STRN: variants seen among roughly 807,000 people sequenced by gnomAD.
The protein encoded by STRN is striatin.
Under a neutral mutation model 96.3 loss-of-function variants are expected in STRN, and 53 were observed. The observed-to-expected ratio is 0.55, with a 90% CI of 0.44 to 0.69. The LOEUF is 0.69. Ranked by LOEUF, STRN falls within the 30% of genes least tolerant of loss-of-function variation. STRN has a pLI of 0.00. For missense variants in STRN, 987 were observed against 963.9 expected (o/e 1.02, Z -0.32); for synonymous variants, 428 against 355.9 (o/e 1.20, Z -2.28).
intron 6 of STRN, among the ~76,000 whole-genome samples, chr2:36,897,678 C>T (rs980437344): frequency 2.0e-5 from 3 of 151,856 alleles, no homozygotes; most frequent in African/African-American, 7.3e-5. Context: ...ACCTAGTGAT[C>T]CATCCGTCTC....
chr2:36,892,740 G>A (rs1009223471), intron 7 of STRN, among the ~76,000 whole-genome samples: 2 of 152,142 alleles, frequency 1.3e-5, no homozygotes, highest in African/African-American at 4.8e-5. Context: ...TAAATACAAG[G>A]CTGGGAGCAG....
chr2:36,893,616 C>A (rs184215492), intron 7 of STRN, among the ~76,000 whole-genome samples: 1 of 152,132 alleles, frequency 6.6e-6, no homozygotes, highest in African/African-American at 2.4e-5. Flanking sequence ...TCTAGATTTG[C>A]AAGTTCCACT....
At chr2:36,880,572 C>T (rs1188276041) in intron 9 of STRN, among the ~76,000 whole-genome samples, 1 of 152,040 alleles carries the variant, frequency 6.6e-6, no homozygotes, top group East Asian at 1.9e-4. Flanking sequence ...CAAAAATAAA[C>T]ATAGGTTTTA....
At chr2:36,852,852 C>T (rs965866974) in intron 15 of STRN, among the ~76,000 whole-genome samples, 6 of 152,064 alleles carry the variant, frequency 3.9e-5, no homozygotes, top group Non-Finnish European at 7.4e-5. Context: ...AATTACCCAG[C>T]CTGTTATTTA....
chr2:36,902,962 G>A (rs182229897), intron 4 of STRN: 8 of 340,768 alleles, frequency 2.3e-5, no homozygotes, highest in East Asian at 2.3e-4. Context: ...AGAAAAATGA[G>A]AGAACTATAC....
At chr2:36,920,575 T>C (rs894203292) in intron 2 of STRN, among the ~76,000 whole-genome samples, 1 of 150,480 alleles carries the variant, frequency 6.6e-6, no homozygotes, top group African/African-American at 2.4e-5. Flanking sequence ...GAGGTGCAGG[T>C]TGCAGTGAGC....
chr2:36,851,413 A>G (rs908909228), intron 15 of STRN, among the ~76,000 whole-genome samples: 1 of 152,080 alleles, frequency 6.6e-6, no homozygotes, highest in Non-Finnish European at 1.5e-5. Flanking sequence ...AACCCGGGAG[A>G]TGGAAGTTGC....
chr2:36,938,064 T>C (rs1258509727), intron 1 of STRN, among the ~76,000 whole-genome samples: 1 of 152,184 alleles, frequency 6.6e-6, no homozygotes, highest in Non-Finnish European at 1.5e-5. Flanking sequence ...TAAAGTATTT[T>C]GAGAGATTAA....
chr2:36,944,526 A>G (rs768412853), intron 1 of STRN, among the ~76,000 whole-genome samples: 1 of 152,242 alleles, frequency 6.6e-6, no homozygotes, highest in Non-Finnish European at 1.5e-5. Flanking sequence ...TGTTCCTAGT[A>G]GAAACACAAA....
rs1451171903 is a variant in STRN, at chr2:36,845,598, A to G, written c.*3858T>C. 6.6e-6 allele frequency: 1 copy of G among 152,154 alleles called. No individual in the cohort carries two copies. The highest frequency in any genetic ancestry group is 1.9e-4 in the East Asian group (1 of 5,204). 9.4% of individuals were successfully genotyped at this position (152,154 alleles called of 1,614,324 possible). ...AAGAGGGAAATATATGAAGTATTAAAAAGTGAGCCTTTAAAAAATTACATT... is the reference window on the plus strand; with the variant it reads ...AAGAGGGAAATATATGAAGTATTAAGAAGTGAGCCTTTAAAAAATTACATT... On this transcript the variant is annotated 3_prime_UTR_variant, in exon 18 of 18. Coordinates refer to ENST00000263918, the MANE Select transcript of STRN (RefSeq NM_003162.4).
chr2:36,891,852 G>A (rs761574513), intron 7 of STRN, among the ~76,000 whole-genome samples: 2 of 152,124 alleles, frequency 1.3e-5, no homozygotes, highest in African/African-American at 4.8e-5. Flanking sequence ...AAGCAATCAT[G>A]AAGGAGAAAA....
chr2:36,850,999 C>A lies in STRN; in HGVS notation c.2086+1G>T. ...AAAATCAATTCTTAATAAATTCTTACCTGTATTGTTATCATAGAATTTGAT... is the reference window on the plus strand; with the variant it reads ...AAAATCAATTCTTAATAAATTCTTAACTGTATTGTTATCATAGAATTTGAT... On this transcript the variant is annotated splice_donor_variant, in intron 16 of 17. Transcript: ENST00000263918. LOFTEE classifies it high-confidence loss of function. 6.4e-7 allele frequency: 1 copy of A among 1,570,852 alleles called. No individual in the cohort carries two copies. The highest frequency in any genetic ancestry group is 1.2e-5 in the South Asian group (1 of 86,536).
intron 7 of STRN, among the ~76,000 whole-genome samples, chr2:36,888,998 G>C (rs1669316304): frequency 6.6e-6 from 1 of 151,940 alleles, no homozygotes; most frequent in African/African-American, 2.4e-5. Flanking sequence ...ACTCTATTTT[G>C]AATTGTAACC....
At chr2:36,910,161 G>A (rs13408941) in intron 3 of STRN, among the ~76,000 whole-genome samples, 18,104 of 143,780 alleles carry the variant, frequency 0.13, 2,498 homozygotes, top group African/African-American at 0.34. Context: ...GGACAAGAGC[G>A]AGACTTTGTC....
intron 7 of STRN, among the ~76,000 whole-genome samples, chr2:36,893,117 A>C (rs549127684): frequency 2.0e-5 from 3 of 152,136 alleles, no homozygotes; most frequent in Non-Finnish European, 4.4e-5. Flanking sequence ...AAACAATGAA[A>C]ACTTTCAGGT....
At position 36,878,168 on chromosome 2, in the gene STRN, G is replaced by A. The variant is rs1262933316; in HGVS notation, c.1187-141C>T. The A allele has an allele frequency of 7.7e-6, 7 of 910,018 alleles. No individual in the cohort carries two copies. In the East Asian group the frequency reaches 1.1e-4, roughly 14 times the overall value. 56.4% of individuals were successfully genotyped at this position (910,018 alleles called of 1,614,324 possible). A position where few individuals can be genotyped will look rare whatever the true frequency, so the allele number is the denominator to read the frequency against. On this transcript the variant is annotated intron_variant, in intron 9 of 17. Coordinates refer to ENST00000263918, the MANE Select transcript of STRN (RefSeq NM_003162.4). ...GCTTTTAAACACAATAAAATTCAGT[G>A]AGCAGAAAATCCTAAATAATTTATT...
chr2:36,942,391 T>G (rs1403818365), intron 1 of STRN, among the ~76,000 whole-genome samples: 1 of 152,190 alleles, frequency 6.6e-6, no homozygotes, highest in African/African-American at 2.4e-5. Flanking sequence ...GTTAAGTCAC[T>G]GTTAAAAGGG....
At chr2:36,927,381 T>G (rs147888096) in intron 1 of STRN, among the ~76,000 whole-genome samples, 1 of 152,012 alleles carries the variant, frequency 6.6e-6, no homozygotes, top group South Asian at 2.1e-4. Context: ...TGGTGGCATG[T>G]GTCTGTGGTC....
At chr2:36,951,150 C>T (rs1664744395) in intron 1 of STRN, among the ~76,000 whole-genome samples, 1 of 152,166 alleles carries the variant, frequency 6.6e-6, no homozygotes, top group Non-Finnish European at 1.5e-5. Flanking sequence ...AAAAATGTTA[C>T]AGGGCCCTAC....
Sources: gnomAD v4.1 joint callset for allele counts (sites outside exome capture counted in the v4.1 genomes callset) on GRCh38, gnomAD v4.1.1 for gene constraint, MANE v1.5 for transcripts, NCBI Gene and HGNC (gene_info 2026-07-23, HGNC 2026-07-21) for gene names.